The following PTPRD variants were observed in gnomAD, a reference collection of about 807,000 sequenced individuals.
PTPRD encodes the protein protein tyrosine phosphatase receptor type D, also known as receptor-type tyrosine-protein phosphatase delta.
PTPRD carries 34 observed loss-of-function variants against 214.5 expected under a neutral mutation model. That is an observed-to-expected ratio of 0.16 (90% confidence interval 0.12 to 0.21). PTPRD has a LOEUF of 0.21. Among genes scored for constraint, PTPRD ranks in the 10% least tolerant of loss-of-function variants. The pLI is 1.00. For missense variants in PTPRD, 2,545 were observed against 2,398.7 expected, an observed-to-expected ratio of 1.06 and a Z score of -1.27; for synonymous variants, 1,128 against 845.7, an observed-to-expected ratio of 1.33 and a Z score of -5.79.
At chr9:9,766,874 T>C (rs927920249) in intron 5 of PTPRD, 23 bp from the exon 6 acceptor site, 3 of 152,512 alleles carry the variant, frequency 2.0e-5, no homozygotes, top group Non-Finnish European at 4.4e-5. Flanking sequence ...AAAGAATATT[T>C]CTATTAATAT....
At chr9:9,365,247 C>A (rs2057547545) in intron 9 of PTPRD, among the ~76,000 whole-genome samples, 1 of 151,378 alleles carries the variant, frequency 6.6e-6, no homozygotes. Flanking sequence ...TATTATATGA[C>A]CAGAGATATT....
At chr9:8,795,795 C>G (rs1272507306) in intron 11 of PTPRD, among the ~76,000 whole-genome samples, 2 of 152,090 alleles carry the variant, frequency 1.3e-5, no homozygotes, top group Non-Finnish European at 2.9e-5. Flanking sequence ...GCAATCTATG[C>G]TACTGTTCAC....
intron 9 of PTPRD, among the ~76,000 whole-genome samples, chr9:9,333,490 T>C (rs1167505145): frequency 8.7e-6 from 1 of 115,312 alleles, no homozygotes; most frequent in African/African-American, 4.6e-5. Flanking sequence ...AAAACATATA[T>C]ATTATATAGT....
chr9:10,171,922 A>C (rs2099210279), intron 3 of PTPRD, among the ~76,000 whole-genome samples: 2 of 151,980 alleles, frequency 1.3e-5, no homozygotes, highest in South Asian at 4.1e-4. Context: ...GGACAGAATC[A>C]CTCTATTATT....
chr9:8,855,299 G>C (rs2097895569), intron 11 of PTPRD, among the ~76,000 whole-genome samples: 1 of 152,016 alleles, frequency 6.6e-6, no homozygotes, highest in Non-Finnish European at 1.5e-5. Context: ...ATTTAAATAA[G>C]TGTCAATCTT....
intron 4 of PTPRD, among the ~76,000 whole-genome samples, chr9:9,992,134 C>A (rs1334795090): frequency 2.0e-5 from 3 of 152,098 alleles, no homozygotes; most frequent in Non-Finnish European, 2.9e-5. Context: ...GTAAAAGTTT[C>A]TTTCTTGGAG....
At chr9:10,018,988 G>A (rs1261977196) in intron 4 of PTPRD, among the ~76,000 whole-genome samples, 2 of 152,090 alleles carry the variant, frequency 1.3e-5, no homozygotes, top group Admixed American at 6.5e-5. Context: ...GAGTGAACAG[G>A]CAACCTACAG....
intron 12 of PTPRD, among the ~76,000 whole-genome samples, chr9:8,659,959 T>C (rs2097001616): frequency 6.6e-6 from 1 of 152,154 alleles, no homozygotes. Flanking sequence ...CAAAAGATAA[T>C]GCAATATCAT....
At chr9:8,929,747 ATATATATATG>A (rs1428524138) in intron 11 of PTPRD, among the ~76,000 whole-genome samples, 68 of 61,640 alleles carry the variant, frequency 1.1e-3, no homozygotes, top group African/African-American at 3.1e-3. Flanking sequence ...ATATATGTGT[ATATATATATG>A]TATATATATG....
intron 9 of PTPRD, among the ~76,000 whole-genome samples, chr9:9,358,968 G>A (rs1368944915): frequency 6.6e-6 from 1 of 151,192 alleles, no homozygotes; most frequent in Non-Finnish European, 1.5e-5. Flanking sequence ...AACAATTTCA[G>A]GATAAAAACT....
At chr9:10,244,367 C>T (rs1043495440) in intron 3 of PTPRD, among the ~76,000 whole-genome samples, 1 of 152,096 alleles carries the variant, frequency 6.6e-6, no homozygotes, top group Non-Finnish European at 1.5e-5. Flanking sequence ...ATGCACTGTA[C>T]ATGGTAGATG....
intron 7 of PTPRD, among the ~76,000 whole-genome samples, chr9:9,650,303 A>G (rs2096302389): frequency 6.6e-6 from 1 of 152,168 alleles, no homozygotes; most frequent in Non-Finnish European, 1.5e-5. Flanking sequence ...TATTTTCTTT[A>G]TAAATTACCC....
intron 11 of PTPRD, among the ~76,000 whole-genome samples, chr9:8,914,371 G>C (rs947478803): frequency 6.6e-6 from 1 of 151,980 alleles, no homozygotes; most frequent in African/African-American, 2.4e-5. Flanking sequence ...GTTCTGTTTT[G>C]CCATTTGAAC....
intron 2 of PTPRD, among the ~76,000 whole-genome samples, chr9:10,475,351 T>C (rs2099055946): frequency 6.6e-6 from 1 of 152,014 alleles, no homozygotes; most frequent in South Asian, 2.1e-4. Flanking sequence ...GAGAATATTA[T>C]AAACACCTCT....
At chr9:9,449,090 T>A (rs2091374062) in intron 8 of PTPRD, among the ~76,000 whole-genome samples, 1 of 152,092 alleles carries the variant, frequency 6.6e-6, no homozygotes, top group African/African-American at 2.4e-5. Context: ...AAATTATCTT[T>A]ACTTCTATAC....
intron 2 of PTPRD, among the ~76,000 whole-genome samples, chr9:10,489,977 G>C (rs1415734547): frequency 6.6e-6 from 1 of 152,140 alleles, no homozygotes; most frequent in African/African-American, 2.4e-5. Flanking sequence ...GTGCTCACTT[G>C]ATTTTTGGTT....
intron 5 of PTPRD, among the ~76,000 whole-genome samples, chr9:9,775,347 A>T (rs1205951928): frequency 1.3e-5 from 2 of 152,208 alleles, no homozygotes; most frequent in Non-Finnish European, 2.9e-5. Flanking sequence ...ACGGGTTTTA[A>T]GAAGGAGGAG....
intron 2 of PTPRD, among the ~76,000 whole-genome samples, chr9:10,375,581 T>A (rs2097712239): frequency 6.6e-6 from 1 of 152,024 alleles, no homozygotes; most frequent in African/African-American, 2.4e-5. Context: ...CAGATTCCCT[T>A]GGAAATAACA....
intron 32 of PTPRD, among the ~76,000 whole-genome samples, chr9:8,462,810 G>C (rs1202964183): frequency 6.6e-6 from 1 of 151,596 alleles, no homozygotes; most frequent in Non-Finnish European, 1.5e-5. Context: ...TTTTTTAAAT[G>C]GTACTCACCA....
Sources: gnomAD v4.1 joint callset for allele counts (sites outside exome capture counted in the v4.1 genomes callset) on GRCh38, gnomAD v4.1.1 for gene constraint, MANE v1.5 for transcripts, NCBI Gene and HGNC (gene_info 2026-07-23, HGNC 2026-07-21) for gene names.